The following PTPRT variants were observed in gnomAD, a reference collection of about 807,000 sequenced individuals.
The protein encoded by PTPRT is protein tyrosine phosphatase receptor type T.
In PTPRT, 56 loss-of-function variants were observed where a neutral mutation model predicts 176.8. The observed-to-expected ratio is 0.32, with a 90% CI of 0.26 to 0.40. The LOEUF (loss-of-function observed/expected upper bound fraction) is 0.40. Among genes scored for constraint, PTPRT ranks in the 10% least tolerant of loss-of-function variants. PTPRT has a pLI of 1.00. For missense variants in PTPRT, 1,540 were observed against 1,908.2 expected, an observed-to-expected ratio of 0.81 and a Z score of 3.60; for synonymous variants, 783 against 739.0, an observed-to-expected ratio of 1.06 and a Z score of -0.96.
At chr20:43,097,625 G>C (rs1359882258) in intron 1 of PTPRT, among the ~76,000 whole-genome samples, 1 of 152,166 alleles carries the variant, frequency 6.6e-6, no homozygotes, top group Non-Finnish European at 1.5e-5. Context: ...GATAGTACTG[G>C]GATTCAAACC....
chr20:42,902,564 C>G (rs1166189615), intron 1 of PTPRT, among the ~76,000 whole-genome samples: 2 of 152,184 alleles, frequency 1.3e-5, no homozygotes, highest in African/African-American at 4.8e-5. Context: ...CTGGGAAAAT[C>G]AGCCTTTGGT....
chr20:42,339,503 T>C (rs1243321673), intron 11 of PTPRT, among the ~76,000 whole-genome samples: 1 of 152,140 alleles, frequency 6.6e-6, no homozygotes, highest in East Asian at 1.9e-4. Flanking sequence ...AACTATTGCT[T>C]CCCTATATCA....
intron 7 of PTPRT, among the ~76,000 whole-genome samples, chr20:42,552,985 A>G (rs2072795638): frequency 6.6e-6 from 1 of 152,132 alleles, no homozygotes; most frequent in Non-Finnish European, 1.5e-5. Flanking sequence ...GGTACAGTCA[A>G]TTTTAGAGGT....
At chr20:42,545,566 CAGAA>C (rs1243922655) in intron 7 of PTPRT, among the ~76,000 whole-genome samples, 1 of 152,206 alleles carries the variant, frequency 6.6e-6, no homozygotes, top group Non-Finnish European at 1.5e-5. Context: ...CTCCCCTACC[CAGAA>C]AGAGTCTTCT....
intron 11 of PTPRT, among the ~76,000 whole-genome samples, chr20:42,327,803 T>C (rs2069922081): frequency 6.6e-6 from 1 of 152,128 alleles, no homozygotes; most frequent in Non-Finnish European, 1.5e-5. Context: ...GATTTGTCTA[T>C]ATGTAAATCT....
At chr20:42,577,547 TTAGCTCCTC>T (rs2073282929) in intron 7 of PTPRT, among the ~76,000 whole-genome samples, 1 of 152,144 alleles carries the variant, frequency 6.6e-6, no homozygotes, top group Non-Finnish European at 1.5e-5. Flanking sequence ...CTGGGGATGT[TTAGCTCCTC>T]TCTTAATGAA....
chr20:42,055,906 C>T, the PTPRT span, among the ~76,000 whole-genome samples: 369 of 152,138 alleles, frequency 2.4e-3, no homozygotes, highest in South Asian at 7.5e-3. Context: ...TGATGGGGGT[C>T]GACTCCTTTG....
At chr20:43,065,875 G>C (rs1177045645) in intron 1 of PTPRT, among the ~76,000 whole-genome samples, 1 of 151,360 alleles carries the variant, frequency 6.6e-6, no homozygotes, top group Admixed American at 6.6e-5. Flanking sequence ...TTTACAGTTG[G>C]GGAAAAAAAG....
intron 2 of PTPRT, among the ~76,000 whole-genome samples, chr20:42,883,433 A>G (rs1021662005): frequency 6.6e-6 from 1 of 152,022 alleles, no homozygotes; most frequent in African/African-American, 2.4e-5. Context: ...CCGGTTTCTG[A>G]ATCAGTACCA....
chr20:42,701,404 T>C (rs1041189885), intron 6 of PTPRT, among the ~76,000 whole-genome samples: 1 of 152,164 alleles, frequency 6.6e-6, no homozygotes, highest in African/African-American at 2.4e-5. Flanking sequence ...TTAAATGATG[T>C]TACTGAGAAA....
At chr20:42,238,221 G>A (rs1158419227) in intron 14 of PTPRT, among the ~76,000 whole-genome samples, 1 of 152,158 alleles carries the variant, frequency 6.6e-6, no homozygotes, top group Non-Finnish European at 1.5e-5. Context: ...CACTCCTAAA[G>A]CAAAGCCCAA....
rs2072271768 is a variant in PTPRT, at chr20:42,526,619, G to A, written c.1154-54057C>T. 2.0e-5 allele frequency among the ~76,000 whole-genome samples: 3 copies of A among 152,058 alleles called. No homozygotes were observed. In the South Asian group the frequency reaches 6.2e-4, roughly 32 times the overall value. On this transcript the variant is annotated intron_variant, in intron 7 of 30. Coordinates refer to ENST00000373187, the MANE Select transcript of PTPRT (RefSeq NM_007050.6). ...TCTGTGACAACACTTTCTGGCAAGT[G>A]TTCTTTTTTTAACTTGTCTTTTTCC... is the stretch of plus-strand genomic sequence containing the variant.
chr20:42,868,744 G>T (rs530742778), intron 2 of PTPRT, among the ~76,000 whole-genome samples: 1 of 152,322 alleles, frequency 6.6e-6, no homozygotes, highest in South Asian at 2.1e-4. Context: ...GAATGACTCC[G>T]AAGGCATTTC....
chr20:42,735,085 G>C (rs1273526889), intron 6 of PTPRT, among the ~76,000 whole-genome samples: 1 of 152,212 alleles, frequency 6.6e-6, no homozygotes, highest in South Asian at 2.1e-4. Context: ...GAAAATGTTA[G>C]TTATTATCAA....
intron 7 of PTPRT, among the ~76,000 whole-genome samples, chr20:42,548,559 T>A (rs984723618): frequency 2.0e-5 from 3 of 152,070 alleles, no homozygotes; most frequent in Non-Finnish European, 4.4e-5. Context: ...TATAGAAGAC[T>A]ATACTTGTGA....
intron 9 of PTPRT, among the ~76,000 whole-genome samples, chr20:42,400,250 A>C (rs891171888): frequency 3.9e-5 from 6 of 152,330 alleles, no homozygotes; most frequent in Admixed American, 3.3e-4. Context: ...TTAAAAAATC[A>C]TATGGGACTT....
At chr20:42,282,433 G>C in intron 13 of PTPRT, 56 bp downstream of exon 13, 1 of 1,522,242 alleles carries the variant, frequency 6.6e-7, no homozygotes, top group Non-Finnish European at 9.0e-7. Flanking sequence ...TGGCTAGAAA[G>C]AAATACTTAA....
chr20:43,103,748 C>CAGT (rs892904867), intron 1 of PTPRT, among the ~76,000 whole-genome samples: 3 of 79,548 alleles, frequency 3.8e-5, no homozygotes, highest in Non-Finnish European at 8.2e-5. Context: ...GAGGGGAGAT[C>CAGT]AGTAATAATA....
intron 14 of PTPRT, among the ~76,000 whole-genome samples, chr20:42,242,639 C>T (rs1327488979): frequency 6.6e-6 from 1 of 151,946 alleles, no homozygotes; most frequent in East Asian, 1.9e-4. Flanking sequence ...AGTTCGTAAG[C>T]AAAACTTATG....
Sources: allele counts gnomAD v4.1 joint callset (sites outside exome capture counted in the v4.1 genomes callset), GRCh38; gene constraint gnomAD v4.1.1; transcripts MANE v1.5; gene names NCBI Gene and HGNC (gene_info 2026-07-23, HGNC 2026-07-21).